The following ASIC1 variants were observed in gnomAD, a reference collection of about 807,000 sequenced individuals.
ASIC1 encodes the protein acid sensing ion channel subunit 1, also known as acid-sensing ion channel 1.
In ASIC1, 21 loss-of-function variants were observed where a neutral mutation model predicts 63.4. The observed-to-expected ratio is 0.33, with a 90% CI of 0.23 to 0.48. The LOEUF (loss-of-function observed/expected upper bound fraction) is 0.48. Among genes scored for constraint, ASIC1 ranks in the 20% least tolerant of loss-of-function variants. The pLI is 0.99. For synonymous variants in ASIC1, 258 were observed against 278.2 expected, an observed-to-expected ratio of 0.93 and a Z score of 0.72; for missense variants, 478 against 695.5, an observed-to-expected ratio of 0.69 and a Z score of 3.52.
At chr12:50,066,365 GGA>G (rs1347561918) in intron 3 of ASIC1, among the ~76,000 whole-genome samples, 1 of 152,142 alleles carries the variant, frequency 6.6e-6, no homozygotes. Context: ...TGTGGCTGTA[GGA>G]GTGTGTATGG....
intron 8 of ASIC1, 192 bp from the exon 9 acceptor site, chr12:50,080,306 C>T: frequency 1.3e-6 from 1 of 758,686 alleles, no homozygotes; most frequent in Non-Finnish European, 2.2e-6. Flanking sequence ...TTGATGCATA[C>T]TGCATATGGT....
intron 3 of ASIC1, chr12:50,076,668 T>C (rs563106287): frequency 6.1e-4 from 135 of 219,826 alleles, no homozygotes; most frequent in African/African-American, 3.0e-3. Context: ...AGCTACTTGA[T>C]GATTTAATTG....
intron 3 of ASIC1, among the ~76,000 whole-genome samples, chr12:50,062,548 T>C (rs1020297508): frequency 6.6e-6 from 1 of 152,200 alleles, no homozygotes; most frequent in Non-Finnish European, 1.5e-5. Flanking sequence ...CTGGGCCCCA[T>C]CCAACAGGAT....
chr12:50,061,622 ATTTG>A (rs932375644), intron 3 of ASIC1, among the ~76,000 whole-genome samples: 8 of 152,134 alleles, frequency 5.3e-5, no homozygotes, highest in Non-Finnish European at 8.8e-5. Flanking sequence ...GAGAAAACGT[ATTTG>A]TTTGAGTGGT....
chr12:50,059,919 C>G lies in ASIC1; in HGVS notation c.523C>G (p.Arg175Gly). Residue 175 changes from arginine to glycine, a missense_variant, in exon 3 of 12, where the codon CGG (arginine) becomes GGG (glycine). Arg to Gly is a moderately radical substitution (Grantham distance 125). Coordinates refer to ENST00000447966, the MANE Select transcript of ASIC1 (RefSeq NM_001095.4). This position sits in a 1 kb window ranked among gnomAD's most constrained non-coding sequence, Gnocchi z 4.6. ...AGACATGCTGCTCTCCTGCCACTTC[C>G]GGGGGGAGGTCTGCAGCGCTGAAGA... ...IRDMLLSCHF[R>G]GEVCSAEDFK... The G allele has an allele frequency of 1.2e-6, 2 of 1,614,090 alleles. No individual in the cohort carries two copies. Among genetic ancestry groups the G allele is most frequent in the African/African-American group, 1.3e-5 (1 of 75,036 alleles).
intron 3 of ASIC1, chr12:50,073,464 C>A: frequency 2.1e-6 from 3 of 1,426,960 alleles, no homozygotes; most frequent in Non-Finnish European, 2.7e-6. Flanking sequence ...GGCTGAGATA[C>A]CTGGCTGACG....
In ASIC1 at chr12:50,082,512, T is replaced by G. The variant is rs1950731347; in HGVS notation, c.*863T>G. On this transcript the variant is annotated 3_prime_UTR_variant, in exon 12 of 12. Transcript: ENST00000447966. The stretch of plus-strand genomic sequence containing the variant: ...CCCACATCCTCTTCCCCAACTTCAT[T>G]TGCTTCTCTCAACAACCTCATCTGC... 2 of 152,526 alleles carry G rather than the reference T, an allele frequency of 1.3e-5. No homozygotes were observed. The highest frequency in any genetic ancestry group is 4.8e-5 in the African/African-American group (2 of 41,412). 9.4% of individuals were successfully genotyped at this position (152,526 alleles called of 1,614,324 possible).
chr12:50,063,912 C>T (rs1363089188), intron 3 of ASIC1, among the ~76,000 whole-genome samples: 1 of 152,122 alleles, frequency 6.6e-6, no homozygotes, highest in Non-Finnish European at 1.5e-5. Context: ...GAAGCTCAGA[C>T]CAGAAGTCCC....
In ASIC1 at chr12:50,078,062, A is replaced by T. The variant is rs1294137292; in HGVS notation, c.772A>T (p.Ile258Phe). The T allele has an allele frequency of 6.2e-7, 1 of 1,614,062 alleles. No individual in the cohort carries two copies. Among genetic ancestry groups the T allele is most frequent in the East Asian group, 2.2e-5 (1 of 44,868 alleles). Residue 258 changes from isoleucine (I) to phenylalanine (F), a missense_variant, in exon 5 of 12, where the codon ATC (isoleucine) becomes TTC (phenylalanine). Ile to Phe is a conservative substitution (Grantham distance 21). Around this residue, in one of 3 missense-constraint regions of ASIC1, gnomAD observed 290 missense variants for 414.9 expected, o/e 0.70. Coordinates refer to ENST00000447966, the MANE Select transcript of ASIC1 (RefSeq NM_001095.4). The surrounding 1 kb of genome is among the most constrained non-coding windows in gnomAD (Gnocchi z 6.0). ...QIHSQDEPPFIDQLGFGVAPG... is the reference protein window; with the variant it reads ...QIHSQDEPPFFDQLGFGVAPG... ...CCATAGTCAGGATGAACCTCCTTTC[A>T]TCGACCAGCTGGGCTTTGGCGTGGC...
At chr12:50,073,990 G>A (rs1387513640) in intron 3 of ASIC1, 1 of 1,535,786 alleles carries the variant, frequency 6.5e-7, no homozygotes, top group Admixed American at 2.0e-5. Flanking sequence ...CTTCCCGGCA[G>A]TCACCCTCTG....
At chr12:50,058,640 C>G (rs1181610265) in intron 1 of ASIC1, 111 bp from the exon 2 acceptor site, 3 of 1,360,496 alleles carry the variant, frequency 2.2e-6, no homozygotes, top group Non-Finnish European at 2.9e-6. Flanking sequence ...GTCTTCTGCC[C>G]GAGGAGTGGT....
At chr12:50,073,647 G>C in intron 3 of ASIC1, 3 of 1,536,232 alleles carry the variant, frequency 2.0e-6, no homozygotes, top group Non-Finnish European at 2.6e-6. Context: ...CAGGGCCCTT[G>C]GGAGATATTT....
At chr12:50,066,868 A>G (rs1433710089) in intron 3 of ASIC1, among the ~76,000 whole-genome samples, 3 of 152,122 alleles carry the variant, frequency 2.0e-5, no homozygotes, top group Non-Finnish European at 2.9e-5. Context: ...AGAAGGGAAC[A>G]TTCATCTTAT....
Position 50,058,808 on chromosome 12 carries a change from G to A in ASIC1, c.42G>A (p.Gln14=), listed in dbSNP as rs767973296. 15 of 1,601,906 alleles carry A rather than the reference G, an allele frequency of 9.4e-6. No individual in the cohort carries two copies. The highest frequency in any genetic ancestry group is 1.3e-5 in the African/African-American group (1 of 74,750). Residue 14 remains glutamine (Q), a synonymous_variant, in exon 2 of 12, where the codon CAG becomes CAA. Coordinates refer to ENST00000447966, the MANE Select transcript of ASIC1 (RefSeq NM_001095.4). The part of the protein sequence containing the change: ...KAEEEEVGGV[Q]PVSIQAFASS... ...AGGAGGAGGAGGTGGGTGGCGTCCA[G>A]CCGGTGAGCATCCAGGCCTTCGCCA...
chr12:50,073,538 C>G, intron 3 of ASIC1: 1 of 1,461,368 alleles, frequency 6.8e-7, no homozygotes, highest in East Asian at 2.5e-5. Flanking sequence ...CTGGCACCTT[C>G]CCCCTTCCTC....
chr12:50,065,130 C>T (rs976905393), intron 3 of ASIC1, among the ~76,000 whole-genome samples: 4 of 152,292 alleles, frequency 2.6e-5, no homozygotes, highest in Non-Finnish European at 4.4e-5. Context: ...CTAAATCAAC[C>T]GGCCAATTCT....
intron 3 of ASIC1, among the ~76,000 whole-genome samples, chr12:50,071,446 T>G (rs982630616): frequency 6.6e-5 from 10 of 151,186 alleles, no homozygotes; most frequent in African/African-American, 2.4e-4. Flanking sequence ...TTTTTTGGTT[T>G]TTTTTTTTTG....
Position 50,077,287 on chromosome 12 carries a change from G to A in ASIC1, c.633G>A (p.Lys211=), listed in dbSNP as rs1418323102. 1 of 1,614,070 alleles carries A rather than the reference G, an allele frequency of 6.2e-7. No individual in the cohort carries two copies. Among genetic ancestry groups the A allele is most frequent in the Non-Finnish European group, 8.5e-7 (1 of 1,180,030 alleles). The part of the protein sequence containing the change: ...RDGRPRLKTM[K]GGTGNGLEIM... ...GGCGGCCGCGGCTGAAGACCATGAA[G>A]GGTGGGACGGGCAATGGGCTGGAAA... The change falls in exon 4 of 12, where the codon AAG becomes AAA. Residue 211 remains lysine (K), a synonymous_variant. Transcript: ENST00000447966.
At position 50,078,399 on chromosome 12, in the gene ASIC1, A is replaced by G; in HGVS notation, c.838-22A>G. ...TGGGGAGAAGTCCCCGCACTCCCCC[A>G]GCTCCCCGGCTCTCCCAGCAGCTCA... On this transcript the variant is annotated intron_variant, in intron 5 of 11. Coordinates refer to ENST00000447966, the MANE Select transcript of ASIC1 (RefSeq NM_001095.4). The surrounding 1 kb of genome is among the most constrained non-coding windows in gnomAD (Gnocchi z 6.0). 3 of 1,613,212 alleles carry G rather than the reference A, an allele frequency of 1.9e-6. No individual in the cohort carries two copies. The highest frequency in any genetic ancestry group is 2.5e-6 in the Non-Finnish European group (3 of 1,179,494).
Sources: allele counts gnomAD v4.1 joint callset (sites outside exome capture counted in the v4.1 genomes callset), GRCh38; gene constraint gnomAD v4.1.1; regional missense constraint gnomAD v4.1.1; non-coding constraint Gnocchi (gnomAD v3.1); transcripts MANE v1.5; gene names NCBI Gene and HGNC (gene_info 2026-07-23, HGNC 2026-07-21).